Variants in PDE4D observed in about 807,000 individuals in gnomAD.
PDE4D encodes the protein 3',5'-cyclic-AMP phosphodiesterase 4D.
PDE4D carries 24 observed loss-of-function variants against 87.4 expected under a neutral mutation model. The ratio of observed to expected loss-of-function variants is 0.27; its 90% CI spans 0.20 to 0.39. PDE4D has a LOEUF of 0.39. Among genes scored for constraint, PDE4D ranks in the 10% least tolerant of loss-of-function variants. PDE4D has a pLI of 1.00. For missense variants in PDE4D, 714 were observed against 1,041.0 expected, an observed-to-expected ratio of 0.69 and a Z score of 4.32; for synonymous variants, 384 against 383.2, an observed-to-expected ratio of 1.00 and a Z score of -0.02.
rs191611788 is a variant in PDE4D, at chr5:59,395,101, T to C, written c.456-179133A>G. 5.1e-3 allele frequency among the ~76,000 whole-genome samples: 774 copies of C among 152,154 alleles called. 6 individuals are homozygous for C. The highest frequency in any genetic ancestry group is 0.018 in the African/African-American group (747 of 41,494). ...GTCCTACCCCACGGAGTCTCGCTGA[T>C]TGCTAGCACAGCAGTCTGAGATCAA... On this transcript the variant is annotated intron_variant, in intron 1 of 14. Coordinates refer to ENST00000340635, the MANE Select transcript of PDE4D (RefSeq NM_001104631.2).
At chr5:59,229,247 T>C (rs928376348) in intron 1 of PDE4D, among the ~76,000 whole-genome samples, 2 of 152,192 alleles carry the variant, frequency 1.3e-5, no homozygotes, top group Non-Finnish European at 2.9e-5. Context: ...CGTGAATACA[T>C]GGGTATCTTT....
intron 1 of PDE4D, among the ~76,000 whole-genome samples, chr5:60,366,875 G>T (rs1760597571): frequency 6.6e-6 from 1 of 152,000 alleles, no homozygotes; most frequent in Non-Finnish European, 1.5e-5. Context: ...AAAAGGGCAT[G>T]AATATCTGAA....
chr5:59,406,409 C>A (rs1222601411), intron 1 of PDE4D, among the ~76,000 whole-genome samples: 7 of 98,412 alleles, frequency 7.1e-5, no homozygotes, highest in Middle Eastern at 4.9e-3. Flanking sequence ...CCCCCCCCCC[C>A]CCATAGAGTC....
chr5:59,547,808 A>T (rs1217871855), intron 1 of PDE4D, among the ~76,000 whole-genome samples: 1 of 152,108 alleles, frequency 6.6e-6, no homozygotes, highest in Non-Finnish European at 1.5e-5. Context: ...CCTCCTACTG[A>T]TGGAACTGAC....
chr5:59,107,660 A>G (rs1376149386), intron 5 of PDE4D, among the ~76,000 whole-genome samples: 2 of 152,228 alleles, frequency 1.3e-5, no homozygotes, highest in Non-Finnish European at 2.9e-5. Flanking sequence ...GCAAAACATT[A>G]TAGAGGGTAA....
chr5:59,521,200 A>T (rs1356558920), intron 1 of PDE4D, among the ~76,000 whole-genome samples: 1 of 152,096 alleles, frequency 6.6e-6, no homozygotes, highest in Non-Finnish European at 1.5e-5. Flanking sequence ...CACCACTGAG[A>T]ATGGGGGAAG....
intron 5 of PDE4D, among the ~76,000 whole-genome samples, chr5:59,136,806 G>C (rs998393639): frequency 2.0e-5 from 3 of 152,092 alleles, no homozygotes; most frequent in African/African-American, 7.2e-5. Flanking sequence ...GAAATGTGCT[G>C]GTCCAAGCTC....
At chr5:59,861,381 G>A (rs73761023) in intron 1 of PDE4D, among the ~76,000 whole-genome samples, 1,538 of 152,148 alleles carry the variant, frequency 0.01, 32 homozygotes, top group African/African-American at 0.035. Context: ...GTTTCCAAGC[G>A]AATTGTTAGC....
intron 2 of PDE4D, among the ~76,000 whole-genome samples, chr5:60,156,872 T>G (rs1782025502): frequency 6.6e-6 from 1 of 152,150 alleles, no homozygotes; most frequent in Non-Finnish European, 1.5e-5. Flanking sequence ...TAATATACCA[T>G]GAAAGAGAGT....
At chr5:59,858,826 C>G (rs1745836330) in intron 1 of PDE4D, among the ~76,000 whole-genome samples, 1 of 152,022 alleles carries the variant, frequency 6.6e-6, no homozygotes, top group East Asian at 1.9e-4. Flanking sequence ...AAATGGGTAC[C>G]AGTCTCAAGG....
At chr5:59,787,059 C>A (rs1171835232) in intron 1 of PDE4D, among the ~76,000 whole-genome samples, 1 of 152,170 alleles carries the variant, frequency 6.6e-6, no homozygotes, top group Admixed American at 6.5e-5. Context: ...AATATTCTGT[C>A]ACACTGACAA....
chr5:59,369,236 G>A (rs1783570111), intron 1 of PDE4D, among the ~76,000 whole-genome samples: 1 of 152,102 alleles, frequency 6.6e-6, no homozygotes, highest in Non-Finnish European at 1.5e-5. Flanking sequence ...AGTCTGTGTA[G>A]GAATCTACAC....
At chr5:60,499,979 T>C (rs1180519684) in intron 1 of PDE4D, among the ~76,000 whole-genome samples, 1 of 152,162 alleles carries the variant, frequency 6.6e-6, no homozygotes, top group African/African-American at 2.4e-5. Flanking sequence ...GCAAATTTGC[T>C]TCTTTTCTTT....
chr5:59,103,417 T>C (rs1432952207), intron 5 of PDE4D, among the ~76,000 whole-genome samples: 2 of 152,132 alleles, frequency 1.3e-5, no homozygotes, highest in Non-Finnish European at 2.9e-5. Flanking sequence ...ATGTGACTTG[T>C]TTGGCCCACA....
intron 1 of PDE4D, among the ~76,000 whole-genome samples, chr5:59,669,062 G>T (rs138209389): frequency 6.6e-6 from 1 of 152,120 alleles, no homozygotes; most frequent in Non-Finnish European, 1.5e-5. Context: ...AAAATAAAAG[G>T]CTTTGGTTGT....
chr5:60,346,680 C>T (rs1416552225), intron 1 of PDE4D, among the ~76,000 whole-genome samples: 1 of 152,034 alleles, frequency 6.6e-6, no homozygotes, highest in African/African-American at 2.4e-5. Context: ...GGGGTCTGAG[C>T]CACTCACAGC....
intron 1 of PDE4D, among the ~76,000 whole-genome samples, chr5:59,592,642 T>A (rs1239404819): frequency 6.6e-6 from 1 of 152,162 alleles, no homozygotes. Flanking sequence ...ATATATTTCA[T>A]AATTGGAATA....
intron 5 of PDE4D, among the ~76,000 whole-genome samples, chr5:59,123,251 CAT>C (rs1190880227): frequency 8.5e-5 from 13 of 152,170 alleles, no homozygotes; most frequent in Non-Finnish European, 1.8e-4. Flanking sequence ...GGAAGTCACA[CAT>C]AGTCTTCTTT....
At chr5:59,863,393 A>G (rs1013180004) in intron 1 of PDE4D, among the ~76,000 whole-genome samples, 10 of 151,926 alleles carry the variant, frequency 6.6e-5, no homozygotes, top group Non-Finnish European at 7.4e-5. Context: ...TTTTTTTCTA[A>G]TTTAGGACTA....
Sources: gnomAD v4.1 joint callset for allele counts (sites outside exome capture counted in the v4.1 genomes callset) on GRCh38, gnomAD v4.1.1 for gene constraint, MANE v1.5 for transcripts, NCBI Gene and HGNC (gene_info 2026-07-23, HGNC 2026-07-21) for gene names.